EML1: variants seen among roughly 807,000 people sequenced by gnomAD.
EML1 encodes the protein EMAP like 1, also known as echinoderm microtubule-associated protein-like 1.
EML1 carries 27 observed loss-of-function variants against 110.4 expected under a neutral mutation model. That is an observed-to-expected ratio of 0.24 (90% CI 0.18 to 0.34). The LOEUF (loss-of-function observed/expected upper bound fraction) is 0.34, where lower values mean the gene tolerates loss of function less well. Among genes scored for constraint, EML1 ranks in the 10% least tolerant of loss-of-function variants. The pLI is 1.00. For missense variants in EML1, 741 were observed against 1,030.9 expected (o/e 0.72, Z 3.85); for synonymous variants, 344 against 385.8 (o/e 0.89, Z 1.27).
upstream of EML1, among the ~76,000 whole-genome samples, chr14:99,769,961 CAGCCA>C (rs1246187823): frequency 6.6e-6 from 1 of 152,206 alleles, no homozygotes; most frequent in Non-Finnish European, 1.5e-5. Context: ...CTGCAAGTTC[CAGCCA>C]CCTGATGGCC....
chr14:99,896,366 T>A (rs1381849488), intron 6 of EML1, among the ~76,000 whole-genome samples: 1 of 152,184 alleles, frequency 6.6e-6, no homozygotes, highest in Non-Finnish European at 1.5e-5. Context: ...ATACTTTTTT[T>A]TTTTCCAGAT....
intron 17 of EML1, among the ~76,000 whole-genome samples, chr14:99,926,687 C>G (rs2060240238): frequency 6.6e-6 from 1 of 152,016 alleles, no homozygotes; most frequent in South Asian, 2.1e-4. Flanking sequence ...TCACAGTACA[C>G]TACAGCCTCA....
intron 1 of EML1, among the ~76,000 whole-genome samples, chr14:99,819,586 C>T (rs915942919): frequency 5.9e-5 from 9 of 152,156 alleles, no homozygotes; most frequent in East Asian, 1.9e-4. Flanking sequence ...CCAGCGTGCA[C>T]GTGAAGTTTA....
chr14:99,771,156 G>A (rs923889463), upstream of EML1, among the ~76,000 whole-genome samples: 2 of 152,092 alleles, frequency 1.3e-5, no homozygotes, highest in Non-Finnish European at 2.9e-5. Flanking sequence ...CAATGGCTGA[G>A]ATGTCTTACC....
At chr14:99,746,792 T>G (rs1005652933) in intron 1 of EML1, among the ~76,000 whole-genome samples, 2 of 152,160 alleles carry the variant, frequency 1.3e-5, no homozygotes, top group African/African-American at 4.8e-5. Context: ...TGGCTGAGGC[T>G]GGCATAGAGC....
At chr14:99,824,958 T>C (rs1380234247) in intron 1 of EML1, among the ~76,000 whole-genome samples, 1 of 152,232 alleles carries the variant, frequency 6.6e-6, no homozygotes, top group African/African-American at 2.4e-5. Context: ...GATTTCATTC[T>C]TTTTTATGGC....
At chr14:99,841,213 G>A (rs1303288621) in intron 1 of EML1, among the ~76,000 whole-genome samples, 1 of 152,226 alleles carries the variant, frequency 6.6e-6, no homozygotes, top group Non-Finnish European at 1.5e-5. Flanking sequence ...GGCCAGAGGT[G>A]CTGCAGAGAG....
chr14:99,777,829 G>A (rs2057499719), intron 1 of EML1, among the ~76,000 whole-genome samples: 1 of 152,272 alleles, frequency 6.6e-6, no homozygotes, highest in African/African-American at 2.4e-5. Flanking sequence ...TTTGAAACAG[G>A]TTCATGCTCT....
At position 99,898,232 on chromosome 14, in the gene EML1, G is replaced by T; in HGVS notation, c.828-1G>T. On this transcript the variant is annotated splice_acceptor_variant, in intron 7 of 21. Transcript: ENST00000262233. LOFTEE classifies it high-confidence loss of function. Reference sequence around the variant, plus strand: ...ATGTTTTGTAAATATCCTTTTCTTAGCCTAGCAGTTCATCCTGATCGGATC... The same window carrying T: ...ATGTTTTGTAAATATCCTTTTCTTATCCTAGCAGTTCATCCTGATCGGATC... The T allele has an allele frequency of 6.3e-7, 1 of 1,592,740 alleles. No homozygotes were observed. Among genetic ancestry groups the T allele is most frequent in the Non-Finnish European group, 8.6e-7 (1 of 1,167,000 alleles).
intron 17 of EML1, among the ~76,000 whole-genome samples, chr14:99,925,836 G>A (rs1275220723): frequency 6.6e-6 from 1 of 152,188 alleles, no homozygotes; most frequent in Non-Finnish European, 1.5e-5. Context: ...AGCCAGGAAT[G>A]CGCTCACCCA....
intron 1 of EML1, among the ~76,000 whole-genome samples, chr14:99,741,078 G>C (rs1160674288): frequency 6.6e-6 from 1 of 152,226 alleles, no homozygotes; most frequent in Non-Finnish European, 1.5e-5. Flanking sequence ...GTCCATCAGA[G>C]ACCAGGGTTC....
chr14:99,914,505 C>A (rs531494512), intron 14 of EML1, 61 bp from the exon 15 acceptor site: 1 of 1,548,678 alleles, frequency 6.5e-7, no homozygotes, highest in Non-Finnish European at 8.7e-7. Context: ...TCATCCCTTA[C>A]GGCTCCTGAG....
rs568907552 is a variant in EML1, at chr14:99,807,778, C to T, written c.67+14235C>T. ...GGCAGGCTTGAGAGCTCCAGCACAG[C>T]GTTGTCTAGAATCAAGATGCTAGGA... On this transcript the variant is annotated intron_variant, in intron 1 of 21. Coordinates refer to ENST00000262233, the MANE Select transcript of EML1 (RefSeq NM_004434.3). 1.7e-4 allele frequency among the ~76,000 whole-genome samples: 26 copies of T among 152,276 alleles called. No individual in the cohort carries two copies. In the East Asian group the frequency reaches 2.5e-3, roughly 15 times the overall value.
intron 10 of EML1, among the ~76,000 whole-genome samples, chr14:99,908,102 G>A (rs1000154140): frequency 9.2e-5 from 14 of 152,252 alleles, no homozygotes; most frequent in African/African-American, 3.1e-4. Flanking sequence ...GGCGTGAGGT[G>A]GGCTTGCTGC....
chr14:99,832,537 G>A (rs997008494), intron 1 of EML1, among the ~76,000 whole-genome samples: 9 of 152,190 alleles, frequency 5.9e-5, no homozygotes, highest in Middle Eastern at 3.4e-3. Flanking sequence ...TGGTGTGGTC[G>A]GTCTTTTTAT....
At chr14:99,893,757 A>G (rs1005766) in intron 5 of EML1, among the ~76,000 whole-genome samples, 36,832 of 152,072 alleles carry the variant, frequency 0.24, 5,409 homozygotes, top group Non-Finnish European at 0.33. Flanking sequence ...AGGTCCTTTG[A>G]TCTGCAGTGA....
chr14:99,781,683 C>T lies in EML1; in HGVS notation c.-27+7670C>T, dbSNP rs1158723277. On this transcript the variant is annotated intron_variant, in intron 1 of 22. Transcript: ENST00000327921. The surrounding 1 kb of genome is among the most constrained non-coding windows in gnomAD (Gnocchi z 4.2). ...GCTCCCATTGCCCATAGACTAAGCC[C>T]AGCCTGTTAGTATGGGGTCCCAGGT... Among the ~76,000 whole-genome samples, 2 of 152,236 alleles carry T rather than the reference C, an allele frequency of 1.3e-5. No homozygotes were observed. The highest frequency in any genetic ancestry group is 2.4e-5 in the African/African-American group (1 of 41,460).
At chr14:99,775,007 G>C (rs1371503133) in intron 1 of EML1, among the ~76,000 whole-genome samples, 1 of 152,024 alleles carries the variant, frequency 6.6e-6, no homozygotes, top group Non-Finnish European at 1.5e-5. Context: ...AAGCTTTTCT[G>C]TTTAAAAAAA....
chr14:99,876,749 A>G (rs1171798776), intron 3 of EML1, among the ~76,000 whole-genome samples: 1 of 152,150 alleles, frequency 6.6e-6, no homozygotes, highest in African/African-American at 2.4e-5. Context: ...GCCCTAGAAC[A>G]GCCCCCTGCC....
Sources: allele counts gnomAD v4.1 joint callset (sites outside exome capture counted in the v4.1 genomes callset), GRCh38; gene constraint gnomAD v4.1.1; non-coding constraint Gnocchi (gnomAD v3.1); transcripts MANE v1.5; gene names NCBI Gene and HGNC (gene_info 2026-07-23, HGNC 2026-07-21).